Variants in LAPTM5 observed in about 807,000 individuals in gnomAD.
The protein encoded by LAPTM5 is lysosomal-associated transmembrane protein 5.
Under a neutral mutation model 30.1 loss-of-function variants are expected in LAPTM5, and 11 were observed. That is an observed-to-expected ratio of 0.37 (90% CI 0.23 to 0.60). The LOEUF (loss-of-function observed/expected upper bound fraction) is 0.60. Among genes scored for constraint, LAPTM5 ranks in the 20% least tolerant of loss-of-function variants. The probability of loss-of-function intolerance (pLI) is 0.71; values close to 1 mark genes in which losing one functional copy is unlikely to be tolerated. For synonymous variants in LAPTM5, 151 were observed against 137.9 expected (o/e 1.10, Z -0.67); for missense variants, 324 against 332.5 (o/e 0.97, Z 0.20).
At chr1:30,749,754 G>A (rs1190577815) in intron 1 of LAPTM5, among the ~76,000 whole-genome samples, 2 of 152,182 alleles carry the variant, frequency 1.3e-5, no homozygotes, top group South Asian at 2.1e-4. Context: ...TCCAGGCAGA[G>A]GAAAGGGCAT....
rs1174339463 is a variant in LAPTM5, at chr1:30,733,499, C to A, written c.*329G>T. 18 of 1,397,416 alleles carry A rather than the reference C, an allele frequency of 1.3e-5. No homozygotes were observed. Among genetic ancestry groups the A allele is most frequent in the Admixed American group, 2.2e-5 (1 of 46,362 alleles). 86.6% of individuals were successfully genotyped at this position (1,397,416 alleles called of 1,614,324 possible). A position where few individuals can be genotyped will look rare whatever the true frequency, so the allele number is the denominator to read the frequency against. On this transcript the variant is annotated 3_prime_UTR_variant, in exon 8 of 8. Coordinates refer to ENST00000294507, the MANE Select transcript of LAPTM5 (RefSeq NM_006762.3). The stretch of plus-strand genomic sequence containing the variant: ...TTGATTTGTCAGTTGCTTGGCTGAA[C>A]TGATCAAGTCGATAGTTGCTTGACA...
chr1:30,737,832 G>A (rs898009174), intron 5 of LAPTM5, 133 bp from the exon 6 acceptor site: 10 of 589,076 alleles, frequency 1.7e-5, no homozygotes, highest in Admixed American at 3.0e-5. Context: ...CACCTTGGTC[G>A]ACCGCCACAG....
intron 3 of LAPTM5, among the ~76,000 whole-genome samples, chr1:30,740,399 T>TCCCCCCCCC (rs148522746): frequency 2.9e-5 from 3 of 103,192 alleles, no homozygotes; most frequent in Non-Finnish European, 5.9e-5. Flanking sequence ...AGAGAGCCCC[T>TCCCCCCCCC]CCCCCCCACC....
chr1:30,740,852 G>A (rs566380280), intron 3 of LAPTM5, among the ~76,000 whole-genome samples: 70 of 152,260 alleles, frequency 4.6e-4, no homozygotes, highest in African/African-American at 1.6e-3. Flanking sequence ...CAGGGTGGAC[G>A]CATTCCAAAC....
At chr1:30,750,274 C>T (rs1174026131) in intron 1 of LAPTM5, among the ~76,000 whole-genome samples, 2 of 152,156 alleles carry the variant, frequency 1.3e-5, no homozygotes, top group Non-Finnish European at 2.9e-5. Flanking sequence ...CCAAACGATT[C>T]CCTAAAACCA....
intron 2 of LAPTM5, 66 bp downstream of exon 2, chr1:30,742,390 T>C: frequency 8.8e-7 from 1 of 1,142,616 alleles, no homozygotes; most frequent in Non-Finnish European, 1.3e-6. Flanking sequence ...CTAGCCTGGC[T>C]ATCCCTGGCC....
At chr1:30,741,078 G>A (rs1639963835) in intron 3 of LAPTM5, among the ~76,000 whole-genome samples, 2 of 152,182 alleles carry the variant, frequency 1.3e-5, no homozygotes, top group African/African-American at 2.4e-5. Flanking sequence ...TCGGGCCCAG[G>A]AGCCCCTCGT....
chr1:30,735,091 G>A, intron 7 of LAPTM5, 82 bp downstream of exon 7: 2 of 907,162 alleles, frequency 2.2e-6, no homozygotes, highest in Non-Finnish European at 3.6e-6. Flanking sequence ...GAGAAACCAA[G>A]GTCCAGAGAG....
At chr1:30,743,162 G>C (rs1639995023) in intron 1 of LAPTM5, among the ~76,000 whole-genome samples, 1 of 152,222 alleles carries the variant, frequency 6.6e-6, no homozygotes, top group African/African-American at 2.4e-5. Flanking sequence ...GGGGCCAGAT[G>C]GGATAATTCA....
intron 1 of LAPTM5, among the ~76,000 whole-genome samples, chr1:30,749,667 C>A (rs747707641): frequency 3.5e-4 from 53 of 151,976 alleles, no homozygotes; most frequent in Admixed American, 5.9e-4. Flanking sequence ...CAGGGTCCAA[C>A]CGTAGGGGTC....
chr1:30,754,810 AT>A (rs2124202662), intron 1 of LAPTM5, among the ~76,000 whole-genome samples: 1 of 152,288 alleles, frequency 6.6e-6, no homozygotes, highest in South Asian at 2.1e-4. Context: ...CAAGGTCTCA[AT>A]TTAACCCTCC....
Position 30,734,625 on chromosome 1 carries a change from A to G in LAPTM5, c.699+548T>C, listed in dbSNP as rs1295581166. 2.6e-5 allele frequency among the ~76,000 whole-genome samples: 4 copies of G among 152,346 alleles called. No homozygotes were observed. The East Asian group carries it at 7.7e-4, about 29-fold the overall frequency. On this transcript the variant is annotated intron_variant, in intron 7 of 7. Transcript: ENST00000294507. ...AACCAAAAGTGTCTTAGCTAATACA[A>G]TCTCCACCTTACAGGTGAGGAAAGT... is the stretch of plus-strand genomic sequence containing the variant.
Position 30,733,782 on chromosome 1 carries a change from A to C in LAPTM5, c.*46T>G. 6.3e-7 allele frequency: 1 copy of C among 1,584,968 alleles called. No individual in the cohort carries two copies. Among genetic ancestry groups the C allele is most frequent in the Non-Finnish European group, 8.6e-7 (1 of 1,168,952 alleles). On this transcript the variant is annotated 3_prime_UTR_variant, in exon 8 of 8. Transcript: ENST00000294507. ...CACCAAAGCAAAAAAGCAGATTATGAGGCAGCTCCACCCCTCCCAGCACTG... is the reference window on the plus strand; with the variant it reads ...CACCAAAGCAAAAAAGCAGATTATGCGGCAGCTCCACCCCTCCCAGCACTG...
intron 1 of LAPTM5, among the ~76,000 whole-genome samples, chr1:30,754,117 AG>A (rs1340923445): frequency 1.3e-5 from 2 of 152,232 alleles, no homozygotes; most frequent in South Asian, 2.1e-4. Context: ...TCTGGGGAAG[AG>A]GGGTCAGGAA....
chr1:30,741,715 A>G lies in LAPTM5; in HGVS notation c.183T>C (p.Ala61=). The G allele has an allele frequency of 3.1e-6, 5 of 1,605,118 alleles. No homozygotes were observed. Among genetic ancestry groups the G allele is most frequent in the Non-Finnish European group, 3.4e-6 (4 of 1,175,642 alleles). Residue 61 remains alanine (A), a splice_region_variant and synonymous_variant, in exon 3 of 8, where the codon GCT becomes GCC. Coordinates refer to ENST00000294507, the MANE Select transcript of LAPTM5 (RefSeq NM_006762.3). ...KLSQMGYLRI[A]DLISSFLLIT... ...TGAGCAGGAAGCTGGAGATCAGGTC[A>G]GCTGAAAGGCAAGGAGAGCAGGGAG...
chr1:30,754,190 A>G (rs1483567244), intron 1 of LAPTM5, among the ~76,000 whole-genome samples: 1 of 152,008 alleles, frequency 6.6e-6, no homozygotes, highest in Non-Finnish European at 1.5e-5. Context: ...TCGACTTAGA[A>G]CGTGCTTCAG....
rs530645439 is a variant in LAPTM5, at chr1:30,739,733, G to A, written c.387+76C>T. ...CCTCCCCAGCCTGAGCACAGGGCCC[G>A]TGTCTGGTCCCCTCCCATCTCCCAT... On this transcript the variant is annotated intron_variant, in intron 4 of 7. Coordinates refer to ENST00000294507, the MANE Select transcript of LAPTM5 (RefSeq NM_006762.3). This position sits in a 1 kb window ranked among gnomAD's most constrained non-coding sequence, Gnocchi z 4.2. The A allele has an allele frequency of 1.4e-4, 201 of 1,468,064 alleles. 1 individual carries two copies. The African/African-American group carries it at 1.8e-3, about 13-fold the overall frequency. 90.9% of individuals were successfully genotyped at this position (1,468,064 alleles called of 1,614,324 possible). A position where few individuals can be genotyped will look rare whatever the true frequency, so the allele number is the denominator to read the frequency against.
Position 30,746,178 on chromosome 1 carries a change from C to T in LAPTM5, c.88-3629G>A, listed in dbSNP as rs544187520. The T allele has an allele frequency of 4.6e-5, 7 of 152,386 alleles. No homozygotes were observed. The highest frequency in any genetic ancestry group is 3.4e-3 in the Middle Eastern group (1 of 296). The allele number at this position is 152,386 out of a possible 1,614,324, so 9.4% of individuals were successfully genotyped here. A position where few individuals can be genotyped will look rare whatever the true frequency, so the allele number is the denominator to read the frequency against. Reference sequence around the variant, plus strand: ...CTGGCTTCTCCCTGGCCTCAGCTTTCGATTCTGGTCAATGAGAAGAGACCC... The same window carrying T: ...CTGGCTTCTCCCTGGCCTCAGCTTTTGATTCTGGTCAATGAGAAGAGACCC... On this transcript the variant is annotated intron_variant, in intron 1 of 7. Transcript: ENST00000294507. This position sits in a 1 kb window ranked among gnomAD's most constrained non-coding sequence, Gnocchi z 4.0.
chr1:30,739,914 G>T lies in LAPTM5; in HGVS notation c.282C>A (p.Pro94=). The T allele has an allele frequency of 6.2e-7, 1 of 1,602,698 alleles. No individual in the cohort carries two copies. Residue 94 remains proline, a synonymous_variant, in exon 4 of 8, where the codon CCC becomes CCA. Coordinates refer to ENST00000294507, the MANE Select transcript of LAPTM5 (RefSeq NM_006762.3). The surrounding 1 kb of genome is among the most constrained non-coding windows in gnomAD (Gnocchi z 4.2). ...VVKNREKYLL[P]FLSLQIMDYL... Reference sequence around the variant, plus strand: ...AGTCCATGATTTGCAGGGACAGGAAGGGCAGCAGGTACTTCTCCCGGTTCT... The same window carrying T: ...AGTCCATGATTTGCAGGGACAGGAATGGCAGCAGGTACTTCTCCCGGTTCT...
Sources: gnomAD v4.1 joint callset for allele counts (sites outside exome capture counted in the v4.1 genomes callset) on GRCh38, gnomAD v4.1.1 for gene constraint, Gnocchi (gnomAD v3.1) non-coding constraint, MANE v1.5 for transcripts, NCBI Gene and HGNC (gene_info 2026-07-23, HGNC 2026-07-21) for gene names.